GMDS: variants seen among roughly 807,000 people sequenced by gnomAD.
GMDS encodes the protein GDP-mannose 4,6 dehydratase.
GMDS carries 20 observed loss-of-function variants against 49.9 expected under a neutral mutation model. The ratio of observed to expected loss-of-function variants is 0.40; its 90% confidence interval spans 0.28 to 0.58. GMDS has a LOEUF of 0.58. Among genes scored for constraint, GMDS ranks in the 20% least tolerant of loss-of-function variants. The pLI is 0.42. For synonymous variants in GMDS, 177 were observed against 178.6 expected (o/e 0.99, Z 0.07); for missense variants, 362 against 481.4 (o/e 0.75, Z 2.32).
At chr6:1,970,588 C>A (rs1274521330) in intron 4 of GMDS, among the ~76,000 whole-genome samples, 1 of 152,190 alleles carries the variant, frequency 6.6e-6, no homozygotes, top group Admixed American at 6.5e-5. Context: ...TTGCCTTGCC[C>A]TCCTGTAGCC....
chr6:1,762,841 T>A (rs1768212415), intron 7 of GMDS, among the ~76,000 whole-genome samples: 2 of 152,234 alleles, frequency 1.3e-5, no homozygotes, highest in Non-Finnish European at 2.9e-5. Flanking sequence ...AAATTTTAAA[T>A]GTGTTACCCT....
chr6:1,636,935 C>T (rs996956622), intron 9 of GMDS, among the ~76,000 whole-genome samples: 2 of 152,192 alleles, frequency 1.3e-5, no homozygotes, highest in African/African-American at 2.4e-5. Context: ...TCGCTGGGAC[C>T]GGAAGAACTC....
chr6:1,881,640 C>A (rs561459651), intron 7 of GMDS, among the ~76,000 whole-genome samples: 1 of 152,122 alleles, frequency 6.6e-6, no homozygotes, highest in Non-Finnish European at 1.5e-5. Flanking sequence ...AATCCACACA[C>A]AAAAAAATGT....
intron 7 of GMDS, among the ~76,000 whole-genome samples, chr6:1,865,510 A>T (rs1485191015): frequency 2.0e-5 from 3 of 152,236 alleles, no homozygotes; most frequent in Non-Finnish European, 4.4e-5. Context: ...AGAGAAGCAG[A>T]TTAAATGACA....
At chr6:2,117,635 G>GA (rs34505029) in intron 2 of GMDS, 79 bp from the exon 3 acceptor site, 7 of 774,092 alleles carry the variant, frequency 9.0e-6, no homozygotes, top group Middle Eastern at 2.3e-4. Flanking sequence ...TTAGCTTTAT[G>GA]AAAAAAATGA....
chr6:1,738,068 C>G (rs1486835602), intron 8 of GMDS, among the ~76,000 whole-genome samples: 1 of 145,006 alleles, frequency 6.9e-6, no homozygotes, highest in African/African-American at 2.6e-5. Flanking sequence ...CACATACACA[C>G]ATACCACACA....
chr6:2,025,485 A>C (rs190390524), intron 4 of GMDS, among the ~76,000 whole-genome samples: 1 of 151,830 alleles, frequency 6.6e-6, no homozygotes, highest in African/African-American at 2.4e-5. Flanking sequence ...ATTTAGAACC[A>C]ATACACATGC....
chr6:1,901,467 A>T (rs1760501906), intron 7 of GMDS, among the ~76,000 whole-genome samples: 1 of 152,338 alleles, frequency 6.6e-6, no homozygotes, highest in East Asian at 1.9e-4. Context: ...AAAAGATTCT[A>T]TTAGGAGGTC....
At position 2,173,107 on chromosome 6, in the gene GMDS, TA is replaced by T. The variant is rs1245641990; in HGVS notation, c.103-48377del. On this transcript the variant is annotated intron_variant, in intron 1 of 10. Coordinates refer to ENST00000380815, the MANE Select transcript of GMDS (RefSeq NM_001500.4). ...TTAAATACTAGTCTAATTAATGGAT[TA>T]AAAAAGAAATCTGCACTTCTAGGTT... is the stretch of plus-strand genomic sequence containing the variant. 4.6e-5 allele frequency among the ~76,000 whole-genome samples: 7 copies of T among 152,152 alleles called. No individual in the cohort carries two copies. In the East Asian group the frequency reaches 1.3e-3, roughly 29 times the overall value.
At chr6:2,052,116 C>CAAAAAAAAAAAAAAAAAAAA (rs1285013159) in intron 4 of GMDS, among the ~76,000 whole-genome samples, 58 of 43,566 alleles carry the variant, frequency 1.3e-3, no homozygotes, top group Middle Eastern at 0.011. Flanking sequence ...GACTCTGTCT[C>CAAAAAAAAAAAAAAAAAAAA]AAAAAAAAAA....
At chr6:2,155,587 T>TA (rs1777074562) in intron 1 of GMDS, among the ~76,000 whole-genome samples, 2 of 152,118 alleles carry the variant, frequency 1.3e-5, no homozygotes, top group South Asian at 4.1e-4. Flanking sequence ...AGGAGAAGAT[T>TA]AGTGTGTACC....
At chr6:1,663,334 C>G (rs1395122734) in intron 9 of GMDS, among the ~76,000 whole-genome samples, 1 of 152,196 alleles carries the variant, frequency 6.6e-6, no homozygotes, top group East Asian at 1.9e-4. Context: ...CCAGCTCAGT[C>G]TGAACTGTGG....
chr6:2,015,665 T>G (rs190366574), intron 4 of GMDS, among the ~76,000 whole-genome samples: 13 of 151,876 alleles, frequency 8.6e-5, no homozygotes, highest in African/African-American at 3.1e-4. Flanking sequence ...GTAAGGTGTA[T>G]TTTCCAAGAT....
chr6:1,844,890 G>C (rs933907745), intron 7 of GMDS, among the ~76,000 whole-genome samples: 3 of 152,226 alleles, frequency 2.0e-5, no homozygotes, highest in Non-Finnish European at 2.9e-5. Flanking sequence ...ACTGTAACCT[G>C]AGGGTAACAC....
intron 6 of GMDS, among the ~76,000 whole-genome samples, chr6:1,933,141 C>A (rs1762373480): frequency 6.6e-6 from 1 of 152,126 alleles, no homozygotes; most frequent in Non-Finnish European, 1.5e-5. Flanking sequence ...AATGTCTGGT[C>A]TTTGTTTCTG....
chr6:2,144,533 T>C (rs1190771578), intron 1 of GMDS, among the ~76,000 whole-genome samples: 1 of 152,166 alleles, frequency 6.6e-6, no homozygotes, highest in Non-Finnish European at 1.5e-5. Context: ...GCCTGGCACC[T>C]AGCCTTGAAT....
chr6:1,729,099 G>A (rs1383389259), intron 8 of GMDS, among the ~76,000 whole-genome samples: 2 of 152,214 alleles, frequency 1.3e-5, no homozygotes, highest in East Asian at 3.9e-4. Context: ...TTTAATTCCT[G>A]TTTATAGCAG....
intron 7 of GMDS, among the ~76,000 whole-genome samples, chr6:1,798,283 A>T (rs922273116): frequency 1.5e-5 from 2 of 131,772 alleles, no homozygotes; most frequent in Admixed American, 7.5e-5. Context: ...ACACACACAC[A>T]CTCCTGTCTT....
At chr6:1,678,582 T>G (rs947166738) in intron 9 of GMDS, among the ~76,000 whole-genome samples, 1 of 152,228 alleles carries the variant, frequency 6.6e-6, no homozygotes, top group Admixed American at 6.5e-5. Context: ...GACTTTTATT[T>G]TTTTTTTTCT....
Sources: gnomAD v4.1 joint callset for allele counts (sites outside exome capture counted in the v4.1 genomes callset) on GRCh38, gnomAD v4.1.1 for gene constraint, MANE v1.5 for transcripts, NCBI Gene and HGNC (gene_info 2026-07-23, HGNC 2026-07-21) for gene names.